Variants in ADORA2B observed in about 807,000 individuals in gnomAD.
ADORA2B encodes the protein adenosine receptor A2b.
In ADORA2B, 18 loss-of-function variants were observed where a neutral mutation model predicts 20.8. The ratio of observed to expected loss-of-function variants is 0.87; its 90% CI spans 0.60 to 1.29. ADORA2B has a LOEUF of 1.29. Ranked by LOEUF, ADORA2B falls within the 50% of genes most tolerant of loss-of-function variation. The pLI is 0.00. For synonymous variants in ADORA2B, 179 were observed against 178.3 expected, an observed-to-expected ratio of 1.00 and a Z score of -0.03; for missense variants, 441 against 422.7, an observed-to-expected ratio of 1.04 and a Z score of -0.38.
At chr17:15,856,065 C>G in the ADORA2B span, among the ~76,000 whole-genome samples, 1 of 152,178 alleles carries the variant, frequency 6.6e-6, no homozygotes, top group Non-Finnish European at 1.5e-5. Flanking sequence ...AATCTCATCT[C>G]GAATTGTAAT....
the ADORA2B span, among the ~76,000 whole-genome samples, chr17:15,872,642 T>G: frequency 2.6e-5 from 4 of 152,268 alleles, no homozygotes; most frequent in Middle Eastern, 6.8e-3. Context: ...CCTAGGTTTT[T>G]GTTTTTGTTT....
At chr17:15,900,019 A>G in the ADORA2B span, among the ~76,000 whole-genome samples, 1 of 151,598 alleles carries the variant, frequency 6.6e-6, no homozygotes, top group African/African-American at 2.4e-5. Flanking sequence ...TTTAGTTGAG[A>G]CAGGCTTTCA....
At chr17:15,938,325 TG>T in the ADORA2B span, among the ~76,000 whole-genome samples, 172 of 152,322 alleles carry the variant, frequency 1.1e-3, no homozygotes, top group Middle Eastern at 0.01. Flanking sequence ...GTTTTTGAGA[TG>T]GAGTCCCACT....
upstream of ADORA2B, among the ~76,000 whole-genome samples, chr17:15,942,786 T>A (rs1026904698): frequency 1.3e-5 from 2 of 152,132 alleles, no homozygotes; most frequent in Admixed American, 1.3e-4. Context: ...ATGGCCCAGC[T>A]CTCCAGCCTG....
chr17:15,962,574 T>C (rs1466608803), intron 1 of ADORA2B, among the ~76,000 whole-genome samples: 3 of 152,174 alleles, frequency 2.0e-5, no homozygotes, highest in Non-Finnish European at 4.4e-5. Context: ...GCTTGTTGCC[T>C]GGGCTGGAGT....
intron 1 of ADORA2B, among the ~76,000 whole-genome samples, chr17:15,948,804 T>A (rs1969853149): frequency 6.6e-6 from 1 of 152,172 alleles, no homozygotes; most frequent in Non-Finnish European, 1.5e-5. Flanking sequence ...CTTTTCTCTG[T>A]GCCTCACGTA....
the ADORA2B span, among the ~76,000 whole-genome samples, chr17:15,855,409 A>C: frequency 6.6e-6 from 1 of 152,136 alleles, no homozygotes; most frequent in African/African-American, 2.4e-5. Flanking sequence ...AACACTTCCC[A>C]TGAGAAGCCA....
the ADORA2B span, among the ~76,000 whole-genome samples, chr17:15,929,182 A>G: frequency 2.6e-5 from 4 of 152,194 alleles, no homozygotes; most frequent in African/African-American, 9.7e-5. Flanking sequence ...GTGAGTTGAC[A>G]CTGAGAGTTC....
chr17:15,891,181 G>A, the ADORA2B span, among the ~76,000 whole-genome samples: 8 of 152,294 alleles, frequency 5.3e-5, no homozygotes, highest in African/African-American at 1.9e-4. Context: ...CAGGAGAATC[G>A]CTTGAACCTG....
At chr17:15,966,978 C>T (rs1970127224) in intron 1 of ADORA2B, among the ~76,000 whole-genome samples, 1 of 152,202 alleles carries the variant, frequency 6.6e-6, no homozygotes, top group Non-Finnish European at 1.5e-5. Context: ...GGCCCATGCC[C>T]TTCAGGAATG....
At chr17:15,936,489 T>C in the ADORA2B span, among the ~76,000 whole-genome samples, 1 of 152,084 alleles carries the variant, frequency 6.6e-6, no homozygotes, top group African/African-American at 2.4e-5. Flanking sequence ...CAGCTAATTT[T>C]GTATTTTTTT....
the ADORA2B span, among the ~76,000 whole-genome samples, chr17:15,917,169 G>A: frequency 1.3e-5 from 2 of 152,356 alleles, no homozygotes; most frequent in African/African-American, 4.8e-5. Flanking sequence ...TGAGCTGGGC[G>A]TGGTGGCGCC....
At chr17:15,964,779 T>C (rs1442973996) in intron 1 of ADORA2B, among the ~76,000 whole-genome samples, 1 of 148,884 alleles carries the variant, frequency 6.7e-6, no homozygotes, top group Non-Finnish European at 1.5e-5. Flanking sequence ...AAAAAAAATC[T>C]GGCCGGGCGC....
intron 1 of ADORA2B, among the ~76,000 whole-genome samples, chr17:15,956,252 G>T (rs1485227271): frequency 6.6e-6 from 1 of 152,210 alleles, no homozygotes; most frequent in Non-Finnish European, 1.5e-5. Context: ...GTGTGGCAGA[G>T]TGTACATAAC....
chr17:15,867,885 T>C, the ADORA2B span, among the ~76,000 whole-genome samples: 4 of 151,952 alleles, frequency 2.6e-5, no homozygotes, highest in Non-Finnish European at 5.9e-5. Context: ...CAACAGCTCA[T>C]TGAGAACGGG....
chr17:15,960,340 G>T (rs111619701), intron 1 of ADORA2B, among the ~76,000 whole-genome samples: 7 of 15,152 alleles, frequency 4.6e-4, no homozygotes, highest in Middle Eastern at 0.042. Context: ...GGATCACGAG[G>T]TCAGGAGATC....
At chr17:15,948,009 C>T (rs1969831649) in intron 1 of ADORA2B, among the ~76,000 whole-genome samples, 1 of 152,150 alleles carries the variant, frequency 6.6e-6, no homozygotes, top group Non-Finnish European at 1.5e-5. Context: ...TGTGGAACTC[C>T]AGGTGAGAGT....
chr17:15,930,510 G>A, the ADORA2B span, among the ~76,000 whole-genome samples: 1 of 152,094 alleles, frequency 6.6e-6, no homozygotes, highest in African/African-American at 2.4e-5. Context: ...TGGCCAAGCT[G>A]GTCTTGAACT....
At chr17:15,881,192 C>A in the ADORA2B span, among the ~76,000 whole-genome samples, 12 of 152,278 alleles carry the variant, frequency 7.9e-5, no homozygotes, top group Non-Finnish European at 1.8e-4. Context: ...ACCTCTGCCT[C>A]CCGGGTTCAA....
Sources: allele counts gnomAD v4.1 joint callset (sites outside exome capture counted in the v4.1 genomes callset), GRCh38; gene constraint gnomAD v4.1.1; transcripts MANE v1.5; gene names NCBI Gene and HGNC (gene_info 2026-07-23, HGNC 2026-07-21).